The following WDFY4 variants were observed in gnomAD, a reference collection of about 807,000 sequenced individuals.
WDFY4 encodes the protein WD repeat- and FYVE domain-containing protein 4.
In WDFY4, 169 loss-of-function variants were observed where a neutral mutation model predicts 351.9. That is an observed-to-expected ratio of 0.48 (90% CI 0.42 to 0.55). The LOEUF (loss-of-function observed/expected upper bound fraction) is 0.55, where lower values mean the gene tolerates loss of function less well. WDFY4 is among the 20% of genes least tolerant of loss of function. The pLI is 0.00. For missense variants in WDFY4, 3,803 were observed against 3,935.6 expected, an observed-to-expected ratio of 0.97 and a Z score of 0.90; for synonymous variants, 1,622 against 1,574.6, an observed-to-expected ratio of 1.03 and a Z score of -0.71.
At chr10:48,744,953 A>C (rs1283993387) in intron 12 of WDFY4, among the ~76,000 whole-genome samples, 1 of 151,968 alleles carries the variant, frequency 6.6e-6, no homozygotes, top group African/African-American at 2.4e-5. Flanking sequence ...AGCACTATTC[A>C]CAATTGTTTA....
chr10:48,810,083 A>G (rs866031997), intron 28 of WDFY4, among the ~76,000 whole-genome samples: 1 of 152,224 alleles, frequency 6.6e-6, no homozygotes, highest in Non-Finnish European at 1.5e-5. Flanking sequence ...ATAAAAATGC[A>G]TAAATATTGA....
intron 13 of WDFY4, among the ~76,000 whole-genome samples, chr10:48,765,108 A>G (rs730591): frequency 0.45 from 68,001 of 152,176 alleles, 15,392 homozygotes; most frequent in Middle Eastern, 0.59. Flanking sequence ...ACACATGAAT[A>G]GAACATATGG....
intron 47 of WDFY4, among the ~76,000 whole-genome samples, chr10:48,927,882 C>G (rs947675168): frequency 2.6e-5 from 4 of 152,162 alleles, no homozygotes; most frequent in African/African-American, 4.8e-5. Flanking sequence ...GGAATAAGCA[C>G]CTTACAATTA....
intron 3 of WDFY4, among the ~76,000 whole-genome samples, chr10:48,720,771 C>A (rs913779653): frequency 6.6e-6 from 1 of 152,230 alleles, no homozygotes; most frequent in Admixed American, 6.5e-5. Context: ...CAAAGTGCAT[C>A]TCTTGTGGGG....
chr10:48,728,693 G>A (rs551256194), intron 7 of WDFY4, among the ~76,000 whole-genome samples: 2 of 152,340 alleles, frequency 1.3e-5, no homozygotes, highest in South Asian at 4.1e-4. Context: ...GCCCCTCTGG[G>A]CACATCACAT....
At chr10:48,787,018 C>T in intron 20 of WDFY4, 148 bp downstream of exon 20, 2 of 688,744 alleles carry the variant, frequency 2.9e-6, no homozygotes, top group East Asian at 2.7e-5. Context: ...TATATATTTA[C>T]AACCCAAGAG....
At chr10:48,812,237 G>T (rs2067479627) in intron 30 of WDFY4, among the ~76,000 whole-genome samples, 1 of 148,104 alleles carries the variant, frequency 6.8e-6, no homozygotes, top group Non-Finnish European at 1.5e-5. Context: ...GTTACCCTGG[G>T]AGAGTGCAGT....
chr10:48,751,145 C>T (rs1589520413), intron 12 of WDFY4, among the ~76,000 whole-genome samples: 2 of 152,202 alleles, frequency 1.3e-5, no homozygotes, highest in African/African-American at 4.8e-5. Flanking sequence ...GGTGGGGACC[C>T]TGGCAAGGGC....
chr10:48,910,590 C>T (rs1471619593), intron 47 of WDFY4, among the ~76,000 whole-genome samples: 3 of 152,196 alleles, frequency 2.0e-5, no homozygotes, highest in Admixed American at 6.5e-5. Flanking sequence ...CAGTCTGCTT[C>T]GTCCTGCTGC....
intron 39 of WDFY4, among the ~76,000 whole-genome samples, chr10:48,858,269 G>A (rs1351692586): frequency 6.6e-6 from 1 of 151,984 alleles, no homozygotes; most frequent in Non-Finnish European, 1.5e-5. Context: ...TTTACAAATG[G>A]CAGTCTTAAT....
At chr10:48,894,337 C>G (rs1001074267) in intron 44 of WDFY4, among the ~76,000 whole-genome samples, 53 of 152,196 alleles carry the variant, frequency 3.5e-4, no homozygotes, top group African/African-American at 1.2e-3. Flanking sequence ...TGGTAGAGCT[C>G]TGTAAAAGCT....
rs1589982034 is a variant in WDFY4 at position 48,952,792 on chromosome 10, G to T, written c.7978-4337G>T. 2.0e-5 allele frequency among the ~76,000 whole-genome samples: 3 copies of T among 152,334 alleles called. No individual in the cohort carries two copies. In the East Asian group the frequency reaches 5.8e-4, roughly 29 times the overall value. On this transcript the variant is annotated intron_variant, in intron 51 of 61. Transcript: ENST00000325239. ...ACTCTGGGGTCATCCCGTCCTCTGT[G>T]AGAGCAAGACCAAGGAGGCAGCTGG...
intron 44 of WDFY4, 82 bp downstream of exon 44, chr10:48,890,809 C>G: frequency 6.6e-7 from 1 of 1,521,888 alleles, no homozygotes; most frequent in South Asian, 1.2e-5. Flanking sequence ...CCCCTTCTCA[C>G]CTTGTTCTTA....
intron 39 of WDFY4, among the ~76,000 whole-genome samples, chr10:48,851,837 A>C (rs1397571151): frequency 1.3e-5 from 2 of 152,162 alleles, no homozygotes; most frequent in Non-Finnish European, 2.9e-5. Flanking sequence ...CTCCATGGAG[A>C]TGTGCCCAAT....
intron 13 of WDFY4, among the ~76,000 whole-genome samples, chr10:48,767,957 C>G (rs527982903): frequency 1.6e-4 from 24 of 152,266 alleles, no homozygotes; most frequent in Middle Eastern, 3.4e-3. Context: ...CAGGCAGGCT[C>G]TCTACAGATG....
rs923281964 is a variant in WDFY4 at position 48,731,577 on chromosome 10, A to T, written c.1582+15A>T. On this transcript the variant is annotated intron_variant, in intron 9 of 61. Coordinates refer to ENST00000325239, the MANE Select transcript of WDFY4 (RefSeq NM_001394531.1). ...GAGGAAGTCAGGTGCCACTGGGTGC[A>T]TTGGGAGGGATGGGCAGGGGTCAGT... 11 of 1,545,002 alleles carry T rather than the reference A, an allele frequency of 7.1e-6. No homozygotes were observed. The highest frequency in any genetic ancestry group is 9.6e-6 in the Non-Finnish European group (11 of 1,144,750).
In WDFY4 at chr10:48,873,709, G is replaced by A. The variant is rs763355715; in HGVS notation, c.6948+12G>A. 7.1e-6 allele frequency: 11 copies of A among 1,551,238 alleles called. No homozygotes were observed. Among genetic ancestry groups the A allele is most frequent in the Middle Eastern group, 1.7e-4 (1 of 5,894 alleles). On this transcript the variant is annotated intron_variant, in intron 41 of 61. Coordinates refer to ENST00000325239, the MANE Select transcript of WDFY4 (RefSeq NM_001394531.1). The stretch of plus-strand genomic sequence containing the variant: ...CAGGAAGGCACAAGGTAGGAGTCAG[G>A]CGCAGTGGGACAGTGCTGGTTCCAG...
At chr10:48,886,741 C>A (rs2671711) in intron 43 of WDFY4, among the ~76,000 whole-genome samples, 93,542 of 152,130 alleles carry the variant, frequency 0.61, 29,166 homozygotes, top group Non-Finnish European at 0.66. Context: ...TTCTAACTTT[C>A]GCTCCAGCAT....
chr10:48,959,230 G>A (rs560508746), intron 52 of WDFY4, among the ~76,000 whole-genome samples: 7 of 152,130 alleles, frequency 4.6e-5, no homozygotes, highest in African/African-American at 9.7e-5. Flanking sequence ...TGCTGTCCTC[G>A]CCTTAAAAAC....
Sources: allele counts gnomAD v4.1 joint callset (sites outside exome capture counted in the v4.1 genomes callset), GRCh38; gene constraint gnomAD v4.1.1; transcripts MANE v1.5; gene names NCBI Gene and HGNC (gene_info 2026-07-23, HGNC 2026-07-21).